Variants in TEX14 observed in about 807,000 individuals in gnomAD.
The protein encoded by TEX14 is testis expressed 14, intercellular bridge forming factor.
A neutral mutation model predicts 178.6 loss-of-function variants in TEX14; 168 were observed. That is an observed-to-expected ratio of 0.94 (90% CI 0.83 to 1.07). TEX14 has a LOEUF of 1.07. TEX14 is among the 50% of genes least tolerant of loss of function. The probability of loss-of-function intolerance (pLI) is 0.00; values close to 1 mark genes in which losing one functional copy is unlikely to be tolerated. For synonymous variants in TEX14, 626 were observed against 634.1 expected, an observed-to-expected ratio of 0.99 and a Z score of 0.19; for missense variants, 1,730 against 1,753.6, an observed-to-expected ratio of 0.99 and a Z score of 0.24.
chr17:58,604,013 T>G (rs940605315), intron 11 of TEX14, among the ~76,000 whole-genome samples: 1 of 151,380 alleles, frequency 6.6e-6, no homozygotes, highest in Non-Finnish European at 1.5e-5. Context: ...GAGCAGTGGA[T>G]TTGGAAGTAC....
chr17:58,615,060 C>A (rs1262585778), intron 8 of TEX14, among the ~76,000 whole-genome samples, 172 bp downstream of exon 8: 2 of 152,244 alleles, frequency 1.3e-5, no homozygotes, highest in Non-Finnish European at 2.9e-5. Flanking sequence ...GTTAACTTCT[C>A]TTCCTCTTTC....
At chr17:58,632,356 T>C (rs1022991496) in intron 2 of TEX14, among the ~76,000 whole-genome samples, 2 of 152,248 alleles carry the variant, frequency 1.3e-5, no homozygotes, top group Admixed American at 6.5e-5. Flanking sequence ...TTATTCTACA[T>C]GGCATTGCTG....
intron 28 of TEX14, among the ~76,000 whole-genome samples, chr17:58,563,825 C>G (rs1025273762): frequency 1.3e-5 from 2 of 149,934 alleles, no homozygotes; most frequent in Non-Finnish European, 3.0e-5. Flanking sequence ...CACACACACA[C>G]ACACACACAC....
intron 6 of TEX14, among the ~76,000 whole-genome samples, chr17:58,616,968 G>A (rs767926389): frequency 1.3e-5 from 2 of 152,118 alleles, no homozygotes; most frequent in African/African-American, 4.8e-5. Flanking sequence ...ACGGGGAGTA[G>A]GGCTGGGCGA....
At chr17:58,661,362 A>G (rs1416806076) in intron 1 of TEX14, 3 of 920,130 alleles carry the variant, frequency 3.3e-6, no homozygotes, top group Non-Finnish European at 3.7e-6. Context: ...ACCATCAGGT[A>G]CTTCAGGTCG....
chr17:58,566,389 T>C (rs2044399052), intron 26 of TEX14, among the ~76,000 whole-genome samples: 1 of 152,198 alleles, frequency 6.6e-6, no homozygotes, highest in African/African-American at 2.4e-5. Flanking sequence ...GCTCTAAGGT[T>C]TATGCTCTTA....
At chr17:58,604,887 T>C (rs1290891623) in intron 11 of TEX14, 91 bp downstream of exon 11, 3 of 1,421,954 alleles carry the variant, frequency 2.1e-6, no homozygotes, top group Non-Finnish European at 2.9e-6. Flanking sequence ...ATAAGTCTTC[T>C]ATTTTCATAA....
chr17:58,625,922 T>A (rs1329502512), intron 3 of TEX14, among the ~76,000 whole-genome samples: 5 of 151,318 alleles, frequency 3.3e-5, no homozygotes, highest in South Asian at 2.1e-4. Flanking sequence ...TTTTTTTTTT[T>A]AATTTTTAGT....
At chr17:58,671,461 G>T (rs1385159533) in intron 1 of TEX14, among the ~76,000 whole-genome samples, 1 of 152,068 alleles carries the variant, frequency 6.6e-6, no homozygotes, top group Non-Finnish European at 1.5e-5. Context: ...CTTTCTCTTG[G>T]GGAGGGGGCA....
chr17:58,558,688 C>G (rs2044205522), intron 30 of TEX14, among the ~76,000 whole-genome samples: 1 of 151,942 alleles, frequency 6.6e-6, no homozygotes, highest in Non-Finnish European at 1.5e-5. Context: ...TATGGGAGAG[C>G]GTCATTGTAA....
intron 30 of TEX14, among the ~76,000 whole-genome samples, chr17:58,558,300 C>T (rs1237075179): frequency 1.3e-5 from 2 of 152,156 alleles, no homozygotes; most frequent in Non-Finnish European, 2.9e-5. Flanking sequence ...AGTGGGAAGC[C>T]TAAGTCTGAA....
At position 58,621,806 on chromosome 17, in the gene TEX14, T is replaced by C. The variant is rs1216484069; in HGVS notation, c.418-20A>G. 1.2e-6 allele frequency: 2 copies of C among 1,607,514 alleles called. No individual in the cohort carries two copies. Among genetic ancestry groups the C allele is most frequent in the Non-Finnish European group, 1.7e-6 (2 of 1,175,948 alleles). ...CACTATCTGCAAAACATCGCAGAGA[T>C]GCCCAGTGCGGGCGCACCAGTTCTC... On this transcript the variant is annotated intron_variant, in intron 4 of 31. Coordinates refer to ENST00000349033, the MANE Select transcript of TEX14 (RefSeq NM_031272.5).
At chr17:58,592,120 T>C (rs1235262157) in intron 15 of TEX14, among the ~76,000 whole-genome samples, 4 of 151,832 alleles carry the variant, frequency 2.6e-5, no homozygotes, top group Non-Finnish European at 5.9e-5. Flanking sequence ...CCCTTACTTA[T>C]AATACCTAAC....
At chr17:58,684,031 C>T (rs925984645) in intron 1 of TEX14, among the ~76,000 whole-genome samples, 12 of 152,146 alleles carry the variant, frequency 7.9e-5, no homozygotes, top group South Asian at 2.1e-4. Context: ...TGCCACTGCA[C>T]TCCAGCCTGG....
intron 2 of TEX14, among the ~76,000 whole-genome samples, chr17:58,638,745 G>A (rs990075839): frequency 1.3e-5 from 2 of 151,858 alleles, no homozygotes; most frequent in African/African-American, 4.8e-5. Flanking sequence ...TCTCCATGTT[G>A]GTCAGGCTGG....
chr17:58,668,785 A>G (rs943604609), intron 1 of TEX14, among the ~76,000 whole-genome samples: 12 of 152,174 alleles, frequency 7.9e-5, no homozygotes, highest in African/African-American at 2.7e-4. Flanking sequence ...GTGAACTGCT[A>G]TGCGAGGTAA....
intron 1 of TEX14, among the ~76,000 whole-genome samples, chr17:58,658,062 C>A (rs1399940620): frequency 1.3e-5 from 2 of 152,214 alleles, no homozygotes; most frequent in African/African-American, 2.4e-5. Flanking sequence ...AGCTTTGACT[C>A]CCTGTGATTT....
chr17:58,689,027 T>A (rs1011957842), intron 1 of TEX14, among the ~76,000 whole-genome samples: 1 of 151,822 alleles, frequency 6.6e-6, no homozygotes, highest in African/African-American at 2.4e-5. Context: ...GCCTCCCGGG[T>A]TCACACCATT....
In TEX14 at chr17:58,602,409, A is replaced by C; in HGVS notation, c.1518T>G (p.Asn506Lys). The C allele has an allele frequency of 6.2e-7, 1 of 1,610,184 alleles. No individual in the cohort carries two copies. The highest frequency in any genetic ancestry group is 1.1e-5 in the South Asian group (1 of 90,530). Residue 506 changes from asparagine (N) to lysine (K), a missense_variant, in exon 12 of 32, where the codon AAT becomes AAG. Physicochemically the swap from Asn to Lys is moderately conservative, Grantham distance 94. Around this residue, in one of 2 missense-constraint regions of TEX14, gnomAD observed 789 missense variants for 681.2 expected, o/e 1.16. Coordinates refer to ENST00000349033, the MANE Select transcript of TEX14 (RefSeq NM_031272.5). ...NLQDIRYILK[N>K]DLKDFTGAQR... ...CAACTTCAGGGCTTGCCTTTAAGTC[A>C]TTCTTCAGAATATACCGGATATCTT...
Sources: allele counts gnomAD v4.1 joint callset (sites outside exome capture counted in the v4.1 genomes callset), GRCh38; gene constraint gnomAD v4.1.1; regional missense constraint gnomAD v4.1.1; transcripts MANE v1.5; gene names NCBI Gene and HGNC (gene_info 2026-07-23, HGNC 2026-07-21).